FBXO3: variants seen among roughly 807,000 people sequenced by gnomAD.
FBXO3 encodes the protein F-box protein 3, also known as F-box only protein 3.
In FBXO3, 17 loss-of-function variants were observed where a neutral mutation model predicts 64.8. The observed-to-expected ratio is 0.26, with a 90% CI of 0.18 to 0.39. The LOEUF (loss-of-function observed/expected upper bound fraction) is 0.39, where lower values mean the gene tolerates loss of function less well. Among genes scored for constraint, FBXO3 ranks in the 10% least tolerant of loss-of-function variants. The pLI is 1.00. For missense variants in FBXO3, 420 were observed against 589.9 expected, an observed-to-expected ratio of 0.71 and a Z score of 2.98; for synonymous variants, 182 against 201.6, an observed-to-expected ratio of 0.90 and a Z score of 0.82.
At chr11:33,760,277 A>T (rs7115881) in intron 3 of FBXO3, among the ~76,000 whole-genome samples, 34 of 152,204 alleles carry the variant, frequency 2.2e-4, no homozygotes, top group Non-Finnish European at 1.8e-4. Context: ...AAAGCAGTGT[A>T]GTGGGTGCAG....
chr11:33,747,790 G>C (rs12295284), intron 9 of FBXO3, among the ~76,000 whole-genome samples: 16,954 of 151,546 alleles, frequency 0.11, 1,386 homozygotes, highest in African/African-American at 0.22. Context: ...GGGATATCAG[G>C]CGTGAGCCAC....
At chr11:33,749,037 T>A (rs944959847) in intron 8 of FBXO3, 145 bp from the exon 9 acceptor site, 1 of 491,568 alleles carries the variant, frequency 2.0e-6, no homozygotes, top group African/African-American at 1.9e-5. Context: ...TAGCCATCTA[T>A]TTTTCTAAGT....
chr11:33,756,538 A>G (rs1316613722), intron 4 of FBXO3, among the ~76,000 whole-genome samples: 1 of 152,220 alleles, frequency 6.6e-6, no homozygotes, highest in Non-Finnish European at 1.5e-5. Context: ...CCATGTATAG[A>G]TAAAAATCCC....
chr11:33,747,890 A>C (rs551448100), intron 9 of FBXO3, among the ~76,000 whole-genome samples: 15 of 152,136 alleles, frequency 9.9e-5, no homozygotes, highest in Non-Finnish European at 1.9e-4. Flanking sequence ...AAAAAAAAAA[A>C]AAACAGAACA....
chr11:33,751,437 T>C, intron 7 of FBXO3, 86 bp downstream of exon 7: 1 of 872,894 alleles, frequency 1.1e-6, no homozygotes, highest in East Asian at 2.6e-5. Context: ...TCAACCTTCT[T>C]GGGAAACTTC....
intron 3 of FBXO3, among the ~76,000 whole-genome samples, chr11:33,760,332 C>A (rs1354181102): frequency 6.6e-6 from 1 of 152,136 alleles, no homozygotes; most frequent in Non-Finnish European, 1.5e-5. Flanking sequence ...AGACTGACAG[C>A]TAAATTCTCT....
rs758741109 is a variant in FBXO3, at chr11:33,768,975, G to A, written c.234C>T (p.Leu78=). 107 of 1,613,194 alleles carry A rather than the reference G, an allele frequency of 6.6e-5. No individual in the cohort carries two copies. Among genetic ancestry groups the A allele is most frequent in the Non-Finnish European group, 9.1e-5 (107 of 1,179,612 alleles). Residue 78 remains leucine, a synonymous_variant, in exon 3 of 11, where the codon CTC becomes CTT. Coordinates refer to ENST00000265651, the MANE Select transcript of FBXO3 (RefSeq NM_012175.4). The part of the protein sequence containing the change: ...KTQKNQCWKS[L]FIDTYSDVGR... Reference sequence around the variant, plus strand: ...CTACATCAGAGTAAGTATCTATGAAGAGAGATTTCCAACACTGATTCTTCT... The same window carrying A: ...CTACATCAGAGTAAGTATCTATGAAAAGAGATTTCCAACACTGATTCTTCT...
intron 1 of FBXO3, 35 bp downstream of exon 1, chr11:33,774,359 T>G (rs1590593936): frequency 2.7e-6 from 3 of 1,101,312 alleles, no homozygotes; most frequent in Middle Eastern, 2.5e-4. Flanking sequence ...CCTCTCCCCA[T>G]GCCCCCACCC....
At chr11:33,764,314 C>A (rs1231498676) in intron 3 of FBXO3, among the ~76,000 whole-genome samples, 1 of 152,170 alleles carries the variant, frequency 6.6e-6, no homozygotes, top group African/African-American at 2.4e-5. Flanking sequence ...TTAACAATCA[C>A]AATAGTGGTT....
chr11:33,755,048 T>C (rs973894986), intron 5 of FBXO3, among the ~76,000 whole-genome samples: 3 of 151,808 alleles, frequency 2.0e-5, no homozygotes, highest in African/African-American at 7.3e-5. Flanking sequence ...GTGTGTTTTT[T>C]TTCAGTAGAG....
intron 10 of FBXO3, chr11:33,746,751 A>T: frequency 7.0e-7 from 1 of 1,427,244 alleles, no homozygotes; most frequent in Non-Finnish European, 9.1e-7. Context: ...AATTTTCTTT[A>T]TAATGATCTT....
intron 10 of FBXO3, 38 bp from the exon 11 acceptor site, chr11:33,742,122 C>CT: frequency 6.8e-7 from 1 of 1,470,380 alleles, no homozygotes; most frequent in South Asian, 1.4e-5. Flanking sequence ...AGAAGAGCAT[C>CT]TATCAGTTTT....
intron 5 of FBXO3, 132 bp from the exon 6 acceptor site, chr11:33,754,632 T>A (rs1855046625): frequency 3.1e-6 from 2 of 653,340 alleles, no homozygotes; most frequent in African/African-American, 3.7e-5. Flanking sequence ...ATATATGGCT[T>A]GTTATCCTAG....
chr11:33,747,955 A>G lies in FBXO3; in HGVS notation c.1049-635T>C, dbSNP rs182573094. Among the ~76,000 whole-genome samples the G allele has an allele frequency of 9.9e-5, 15 of 152,206 alleles. 1 individual carries two copies. Among genetic ancestry groups the G allele is most frequent in the Admixed American group, 9.2e-4 (14 of 15,294 alleles). On this transcript the variant is annotated intron_variant, in intron 9 of 10. Coordinates refer to ENST00000265651, the MANE Select transcript of FBXO3 (RefSeq NM_012175.4). Reference sequence around the variant, plus strand: ...GCATTGAAGACACAACCTTTAAGACATGAGTAATAAAAAGCATCACAGACA... The same window carrying G: ...GCATTGAAGACACAACCTTTAAGACGTGAGTAATAAAAAGCATCACAGACA...
At chr11:33,773,028 T>A (rs1160106561) in intron 1 of FBXO3, 1 of 150,736 alleles carries the variant, frequency 6.6e-6, no homozygotes, top group Non-Finnish European at 1.5e-5. Flanking sequence ...GTGTGTTGTA[T>A]GCTGGCAGAG....
Position 33,741,325 on chromosome 11 carries a change from G to A in FBXO3, c.*583C>T, listed in dbSNP as rs1854680622. Reference sequence around the variant, plus strand: ...AAATTAAATTCAAGGTTGTAGTGATGAAAAATTTAAAGTCAAGGTCTTAGC... The same window carrying A: ...AAATTAAATTCAAGGTTGTAGTGATAAAAAATTTAAAGTCAAGGTCTTAGC... On this transcript the variant is annotated 3_prime_UTR_variant, in exon 11 of 11. Transcript: ENST00000265651. The A allele has an allele frequency of 6.6e-6, 1 of 152,638 alleles. No homozygotes were observed. Among genetic ancestry groups the A allele is most frequent in the Admixed American group, 6.5e-5 (1 of 15,290 alleles). 9.5% of individuals were successfully genotyped at this position (152,638 alleles called of 1,614,324 possible). A position where few individuals can be genotyped will look rare whatever the true frequency, so the allele number is the denominator to read the frequency against.
chr11:33,752,109 A>G (rs1854976263), intron 6 of FBXO3, among the ~76,000 whole-genome samples: 2 of 152,228 alleles, frequency 1.3e-5, no homozygotes, highest in African/African-American at 4.8e-5. Context: ...GACATTGTGG[A>G]GTTCTGTGCA....
chr11:33,746,786 T>A, intron 10 of FBXO3: 1 of 1,406,712 alleles, frequency 7.1e-7, no homozygotes, highest in Non-Finnish European at 9.2e-7. Context: ...TTATTTGACA[T>A]TAAATTGGAA....
Position 33,758,474 on chromosome 11 carries a change from T to C in FBXO3, c.473+13A>G. The C allele has an allele frequency of 1.3e-6, 2 of 1,548,684 alleles. No individual in the cohort carries two copies. The highest frequency in any genetic ancestry group is 1.7e-4 in the Middle Eastern group (1 of 5,844). ...TGCATCATTAAAAATAACCAAAACA[T>C]TGAATATCTTACCCAGGAACCACTA... is the stretch of plus-strand genomic sequence containing the variant. On this transcript the variant is annotated intron_variant, in intron 4 of 10. Coordinates refer to ENST00000265651, the MANE Select transcript of FBXO3 (RefSeq NM_012175.4).
Sources: gnomAD v4.1 joint callset for allele counts (sites outside exome capture counted in the v4.1 genomes callset) on GRCh38, gnomAD v4.1.1 for gene constraint, MANE v1.5 for transcripts, NCBI Gene and HGNC (gene_info 2026-07-23, HGNC 2026-07-21) for gene names.